Variants in TAFA1 observed in about 807,000 individuals in gnomAD.
TAFA1 encodes chemokine-like protein TAFA-1.
Under a neutral mutation model 18.5 loss-of-function variants are expected in TAFA1, and 4 were observed. The ratio of observed to expected loss-of-function variants is 0.22; its 90% CI spans 0.11 to 0.49. The LOEUF is 0.49. Among genes scored for constraint, TAFA1 ranks in the 20% least tolerant of loss-of-function variants. TAFA1 has a pLI of 0.98. For missense variants in TAFA1, 147 were observed against 169.0 expected, an observed-to-expected ratio of 0.87 and a Z score of 0.72; for synonymous variants, 56 against 55.2, an observed-to-expected ratio of 1.01 and a Z score of -0.06.
At position 68,252,046 on chromosome 3, in the gene TAFA1, C is replaced by G. The variant is rs568957900; in HGVS notation, c.119-165234C>G. Among the ~76,000 whole-genome samples, 7 of 152,284 alleles carry G rather than the reference C, an allele frequency of 4.6e-5. No homozygotes were observed. In the South Asian group the frequency reaches 1.5e-3, roughly 32 times the overall value. ...ACAGATAATTCCATGTATATGTGCT[C>G]TGTCATTGCCTTTATAAAGACAATG... On this transcript the variant is annotated intron_variant, in intron 2 of 4. Transcript: ENST00000478136.
chr3:68,135,247 T>C (rs752906057), intron 2 of TAFA1, among the ~76,000 whole-genome samples: 4 of 152,154 alleles, frequency 2.6e-5, no homozygotes, highest in Non-Finnish European at 5.9e-5. Context: ...CACCTGTTAG[T>C]AAAGAGGAAG....
chr3:68,235,489 A>G (rs931405294), intron 2 of TAFA1, among the ~76,000 whole-genome samples: 1 of 152,218 alleles, frequency 6.6e-6, no homozygotes, highest in Admixed American at 6.5e-5. Flanking sequence ...GGGATTAAAA[A>G]TTGCATTCCA....
intron 2 of TAFA1, among the ~76,000 whole-genome samples, chr3:68,198,108 T>G (rs1575674633): frequency 6.6e-6 from 1 of 151,724 alleles, no homozygotes; most frequent in East Asian, 1.9e-4. Context: ...CAGAAAGTAT[T>G]ATAATTGAAA....
At chr3:68,243,263 A>C (rs2067024677) in intron 2 of TAFA1, among the ~76,000 whole-genome samples, 1 of 152,114 alleles carries the variant, frequency 6.6e-6, no homozygotes, top group Non-Finnish European at 1.5e-5. Flanking sequence ...GTATAATATC[A>C]AGGAATACCA....
At chr3:68,042,729 A>G (rs13100924) in intron 2 of TAFA1, among the ~76,000 whole-genome samples, 91,683 of 152,086 alleles carry the variant, frequency 0.6, 27,909 homozygotes, top group East Asian at 0.67. Context: ...GTGTTTATGC[A>G]CTAATTTTCA....
chr3:68,034,352 A>C (rs1407668916), intron 2 of TAFA1, among the ~76,000 whole-genome samples: 1 of 152,164 alleles, frequency 6.6e-6, no homozygotes, highest in Non-Finnish European at 1.5e-5. Context: ...TGTTTGTATA[A>C]ATTCATTTGA....
intron 2 of TAFA1, among the ~76,000 whole-genome samples, chr3:68,329,577 C>T (rs1184031298): frequency 6.6e-6 from 1 of 152,090 alleles, no homozygotes; most frequent in Non-Finnish European, 1.5e-5. Flanking sequence ...CCTTTTTGCT[C>T]TCAAACAAGA....
At chr3:68,504,530 T>A (rs964803690) in intron 3 of TAFA1, among the ~76,000 whole-genome samples, 4 of 152,180 alleles carry the variant, frequency 2.6e-5, no homozygotes, top group Admixed American at 2.0e-4. Flanking sequence ...TAGTTTCACC[T>A]GGTCCACACA....
rs546850942 is a variant in TAFA1, at chr3:68,509,666, C to T, written c.260-29090C>T. Among the ~76,000 whole-genome samples the T allele has an allele frequency of 2.6e-5, 4 of 152,190 alleles. No individual in the cohort carries two copies. In the East Asian group the frequency reaches 5.8e-4, roughly 22 times the overall value. On this transcript the variant is annotated intron_variant, in intron 3 of 4. Coordinates refer to ENST00000478136, the MANE Select transcript of TAFA1 (RefSeq NM_213609.4). ...AACCCAAAGCCTCTTGAAAGGGTAA[C>T]ATATCCTGTCATTACCAGCCATTAC...
At chr3:68,312,654 G>C (rs1482306678) in intron 2 of TAFA1, among the ~76,000 whole-genome samples, 1 of 152,102 alleles carries the variant, frequency 6.6e-6, no homozygotes, top group African/African-American at 2.4e-5. Flanking sequence ...TGAGCATTTT[G>C]GGAAAAGCCA....
At chr3:68,352,716 T>A (rs910759268) in intron 2 of TAFA1, among the ~76,000 whole-genome samples, 5 of 152,072 alleles carry the variant, frequency 3.3e-5, no homozygotes, top group Non-Finnish European at 7.4e-5. Context: ...CAGATGCCAC[T>A]GCCACAGTGG....
intron 2 of TAFA1, among the ~76,000 whole-genome samples, chr3:68,272,953 G>A (rs1034625822): frequency 2.0e-5 from 3 of 151,940 alleles, no homozygotes; most frequent in Non-Finnish European, 2.9e-5. Context: ...ATGAACTGAG[G>A]GCCTGGCCTG....
intron 2 of TAFA1, among the ~76,000 whole-genome samples, chr3:68,159,011 C>G (rs1362873459): frequency 6.6e-6 from 1 of 152,280 alleles, no homozygotes; most frequent in South Asian, 2.1e-4. Flanking sequence ...TCTGCAATTA[C>G]TGAATGCCAA....
chr3:68,267,516 C>T (rs1008099931), intron 2 of TAFA1, among the ~76,000 whole-genome samples: 2 of 152,130 alleles, frequency 1.3e-5, no homozygotes, highest in African/African-American at 2.4e-5. Context: ...AATTATCCCA[C>T]CCTATAGATG....
chr3:68,069,605 T>C (rs2064726489), intron 2 of TAFA1, among the ~76,000 whole-genome samples: 1 of 152,212 alleles, frequency 6.6e-6, no homozygotes, highest in Admixed American at 6.5e-5. Context: ...TCTTAACTTA[T>C]TTCGGCATTA....
At chr3:68,073,435 A>G (rs2064782009) in intron 2 of TAFA1, among the ~76,000 whole-genome samples, 2 of 152,208 alleles carry the variant, frequency 1.3e-5, no homozygotes, top group Non-Finnish European at 2.9e-5. Context: ...AGCATTAACA[A>G]ATATGTCCCC....
chr3:68,370,281 C>T (rs956666533), intron 2 of TAFA1, among the ~76,000 whole-genome samples: 2 of 33,006 alleles, frequency 6.1e-5, no homozygotes, highest in Non-Finnish European at 9.7e-5. Flanking sequence ...AGGGAGACCC[C>T]ATCTCAAAAA....
intron 2 of TAFA1, among the ~76,000 whole-genome samples, chr3:68,287,794 G>C (rs1159941546): frequency 3.3e-5 from 5 of 151,572 alleles, no homozygotes; most frequent in Non-Finnish European, 5.9e-5. Context: ...CCGAAGCAAG[G>C]CCCATTTGTG....
At chr3:68,387,239 A>G (rs989371669) in intron 2 of TAFA1, among the ~76,000 whole-genome samples, 1 of 152,086 alleles carries the variant, frequency 6.6e-6, no homozygotes, top group African/African-American at 2.4e-5. Context: ...TTCAGTGATA[A>G]TTAGGTTTCT....
Sources: allele counts gnomAD v4.1 joint callset (sites outside exome capture counted in the v4.1 genomes callset), GRCh38; gene constraint gnomAD v4.1.1; transcripts MANE v1.5; gene names NCBI Gene and HGNC (gene_info 2026-07-23, HGNC 2026-07-21).